CPXM2: variants seen among roughly 807,000 people sequenced by gnomAD.
CPXM2 encodes the protein carboxypeptidase X, M14 family member 2.
CPXM2 carries 66 observed loss-of-function variants against 86.1 expected under a neutral mutation model. That is an observed-to-expected ratio of 0.77 (90% CI 0.63 to 0.94). CPXM2 has a LOEUF of 0.94. CPXM2 is among the 40% of genes least tolerant of loss of function. CPXM2 has a pLI of 0.00. For synonymous variants in CPXM2, 388 were observed against 400.2 expected, an observed-to-expected ratio of 0.97 and a Z score of 0.36; for missense variants, 948 against 1,026.3, an observed-to-expected ratio of 0.92 and a Z score of 1.04.
At chr10:123,762,268 G>C (rs990530595) in intron 10 of CPXM2, 99 bp from the exon 11 acceptor site, 7 of 1,514,140 alleles carry the variant, frequency 4.6e-6, no homozygotes, top group Non-Finnish European at 6.3e-6. Context: ...TGCTTTTGTG[G>C]AATAATCTTA....
intron 3 of CPXM2, among the ~76,000 whole-genome samples, chr10:123,856,600 G>GT (rs200316280): frequency 0.018 from 2,634 of 149,834 alleles, 35 homozygotes; most frequent in Middle Eastern, 0.037. Flanking sequence ...GCTTTTTTTT[G>GT]TTTTTTTTTG....
intron 1 of CPXM2, among the ~76,000 whole-genome samples, chr10:123,880,625 C>G (rs761170368): frequency 7.2e-5 from 11 of 152,054 alleles, no homozygotes; most frequent in South Asian, 2.1e-4. Flanking sequence ...GTCAGGAGAT[C>G]AAGACCATCC....
chr10:123,938,192 C>T (rs141922904), intron 2 of CPXM2, among the ~76,000 whole-genome samples: 4 of 152,162 alleles, frequency 2.6e-5, no homozygotes, highest in East Asian at 1.9e-4. Context: ...CTTTTTAAAA[C>T]GTATGTTCTG....
At chr10:123,921,657 A>AATTAAAAAAATT (rs1453202180) in intron 2 of CPXM2, among the ~76,000 whole-genome samples, 1 of 152,260 alleles carries the variant, frequency 6.6e-6, no homozygotes, top group African/African-American at 2.4e-5. Context: ...ATGGTAGCAG[A>AATTAAAAAAATT]GGCTCAGATT....
chr10:123,940,417 A>T (rs1945763863), upstream of CPXM2: 1 of 152,262 alleles, frequency 6.6e-6, no homozygotes, highest in African/African-American at 2.4e-5. Context: ...GATGATGTGC[A>T]CGGGACATCT....
chr10:123,838,095 C>T (rs1848314724), intron 4 of CPXM2, among the ~76,000 whole-genome samples: 1 of 152,194 alleles, frequency 6.6e-6, no homozygotes, highest in Non-Finnish European at 1.5e-5. Flanking sequence ...TGCTTGATAA[C>T]ATCATAGGAA....
chr10:123,756,082 GCC>G (rs1846200248), intron 12 of CPXM2, among the ~76,000 whole-genome samples: 1 of 152,160 alleles, frequency 6.6e-6, no homozygotes, highest in Non-Finnish European at 1.5e-5. Context: ...GCCAACCTCT[GCC>G]CCCTGTGCAG....
intron 2 of CPXM2, among the ~76,000 whole-genome samples, chr10:123,914,977 C>G (rs1434554691): frequency 6.6e-6 from 1 of 152,212 alleles, no homozygotes; most frequent in African/African-American, 2.4e-5. Flanking sequence ...TTCATTGATT[C>G]TTCCCACCCA....
intron 2 of CPXM2, among the ~76,000 whole-genome samples, chr10:123,876,767 G>C (rs182111106): frequency 6.6e-6 from 1 of 152,142 alleles, no homozygotes; most frequent in Non-Finnish European, 1.5e-5. Context: ...ACCCCAAGAC[G>C]GTAAATTAAA....
At chr10:123,815,784 G>GTACACCAGA (rs1847801916) in intron 4 of CPXM2, among the ~76,000 whole-genome samples, 1 of 152,128 alleles carries the variant, frequency 6.6e-6, no homozygotes, top group Admixed American at 6.5e-5. Context: ...CCATGAGGAG[G>GTACACCAGA]TACACCAGAC....
chr10:123,902,291 C>T (rs1945389989), intron 2 of CPXM2, among the ~76,000 whole-genome samples: 1 of 152,150 alleles, frequency 6.6e-6, no homozygotes. Flanking sequence ...CTGACTCTTC[C>T]CACGCTAGCT....
At chr10:123,853,595 T>C (rs932488760) in intron 3 of CPXM2, among the ~76,000 whole-genome samples, 5 of 152,168 alleles carry the variant, frequency 3.3e-5, no homozygotes, top group Non-Finnish European at 5.9e-5. Flanking sequence ...GTTGTTATAA[T>C]AAAATGAATA....
chr10:123,785,689 G>A (rs1476652534), intron 6 of CPXM2, among the ~76,000 whole-genome samples: 3 of 148,602 alleles, frequency 2.0e-5, no homozygotes, highest in Admixed American at 6.8e-5. Flanking sequence ...CTGGAGTACA[G>A]AGGCGCGATC....
At chr10:123,917,106 G>A (rs2134275488) in intron 2 of CPXM2, among the ~76,000 whole-genome samples, 1 of 152,288 alleles carries the variant, frequency 6.6e-6, no homozygotes, top group South Asian at 2.1e-4. Context: ...TGGAGGCATA[G>A]ACATTCAGCT....
chr10:123,895,190 G>A (rs1945327212), upstream of CPXM2, among the ~76,000 whole-genome samples: 1 of 127,216 alleles, frequency 7.9e-6, no homozygotes, highest in Admixed American at 9.6e-5. Flanking sequence ...GTGGCACCAT[G>A]TCGGCTCACG....
At chr10:123,930,611 A>C (rs1196060196) in intron 2 of CPXM2, among the ~76,000 whole-genome samples, 1 of 152,252 alleles carries the variant, frequency 6.6e-6, no homozygotes, top group African/African-American at 2.4e-5. Flanking sequence ...TAGTAAGCCC[A>C]GAAGCAGGTT....
At chr10:123,924,944 A>G (rs1945611514) in intron 2 of CPXM2, among the ~76,000 whole-genome samples, 2 of 152,186 alleles carry the variant, frequency 1.3e-5, no homozygotes, top group South Asian at 4.1e-4. Context: ...TATTGACGAG[A>G]AAATTCCAAA....
chr10:123,876,766 C>T (rs192132151), intron 2 of CPXM2, among the ~76,000 whole-genome samples: 17 of 152,268 alleles, frequency 1.1e-4, no homozygotes, highest in Admixed American at 2.0e-4. Context: ...GACCCCAAGA[C>T]GGTAAATTAA....
chr10:123,854,422 TA>T (rs1234228634), intron 3 of CPXM2, among the ~76,000 whole-genome samples: 3 of 124,606 alleles, frequency 2.4e-5, no homozygotes, highest in African/African-American at 6.3e-5. Context: ...ATAAAATATA[TA>T]ATATATATAT....
Sources: gnomAD v4.1 joint callset for allele counts (sites outside exome capture counted in the v4.1 genomes callset) on GRCh38, gnomAD v4.1.1 for gene constraint, MANE v1.5 for transcripts, NCBI Gene and HGNC (gene_info 2026-07-23, HGNC 2026-07-21) for gene names.